MOCOS: variants seen among roughly 807,000 people sequenced by gnomAD.
MOCOS encodes molybdenum cofactor sulfurase, also known as human molybdenum cofactor sulfurase.
In MOCOS, 86 loss-of-function variants were observed where a neutral mutation model predicts 83.6. The ratio of observed to expected loss-of-function variants is 1.03; its 90% CI spans 0.86 to 1.23. The LOEUF (loss-of-function observed/expected upper bound fraction) is 1.23. Ranked by LOEUF, MOCOS falls within the 50% of genes most tolerant of loss-of-function variation. The pLI is 0.00. For synonymous variants in MOCOS, 445 were observed against 434.7 expected (o/e 1.02, Z -0.29); for missense variants, 1,120 against 1,126.9 (o/e 0.99, Z 0.09).
chr18:36,237,139 A>C (rs58175300), intron 9 of MOCOS, among the ~76,000 whole-genome samples: 1 of 135,800 alleles, frequency 7.4e-6, no homozygotes, highest in Admixed American at 7.6e-5. Flanking sequence ...TCTCCTGCCT[A>C]ATTGCCCTGG....
intron 7 of MOCOS, 128 bp downstream of exon 7, chr18:36,213,610 A>T (rs941273406): frequency 2.5e-6 from 2 of 793,654 alleles, no homozygotes; most frequent in African/African-American, 3.4e-5. Context: ...GTGCATGTAC[A>T]AAGGAAAAGG....
intron 2 of MOCOS, among the ~76,000 whole-genome samples, chr18:36,196,060 G>A (rs917702767): frequency 5.3e-5 from 8 of 152,188 alleles, no homozygotes; most frequent in African/African-American, 1.9e-4. Context: ...AACCAGTCCA[G>A]GAACACGGAA....
At position 36,246,991 on chromosome 18, in the gene MOCOS, G is replaced by T. The variant is rs1213080988; in HGVS notation, c.1961-1931G>T. ...AAACCATCAGGTGGGGGCAGGTTAG[G>T]TGGGTCTGAGATCATACTCTCCTTG... On this transcript the variant is annotated intron_variant, in intron 9 of 14. Coordinates refer to ENST00000261326, the MANE Select transcript of MOCOS (RefSeq NM_017947.4). Among the ~76,000 whole-genome samples the T allele has an allele frequency of 2.0e-5, 3 of 152,086 alleles. No individual in the cohort carries two copies. In the East Asian group the frequency reaches 5.8e-4, roughly 29 times the overall value.
At chr18:36,215,094 C>A (rs142849156) in intron 7 of MOCOS, among the ~76,000 whole-genome samples, 66 of 152,294 alleles carry the variant, frequency 4.3e-4, no homozygotes, top group African/African-American at 1.6e-3. Context: ...GCAGGCCTCC[C>A]CTCAGTAATG....
chr18:36,257,662 A>G (rs1022792537), intron 12 of MOCOS, among the ~76,000 whole-genome samples: 2 of 152,126 alleles, frequency 1.3e-5, no homozygotes, highest in Admixed American at 1.3e-4. Flanking sequence ...TGTTCTTTAG[A>G]GCAAACTGAA....
chr18:36,256,997 T>C lies in MOCOS; in HGVS notation c.2194T>C (p.Ser732Pro). The C allele has an allele frequency of 6.2e-7, 1 of 1,614,142 alleles. No individual in the cohort carries two copies. The highest frequency in any genetic ancestry group is 8.5e-7 in the Non-Finnish European group (1 of 1,179,990). Residue 732 changes from serine to proline, a missense_variant, in exon 12 of 15, where the codon TCT (serine) becomes CCT (proline). Ser to Pro is a moderately conservative substitution (Grantham distance 74). Coordinates refer to ENST00000261326, the MANE Select transcript of MOCOS (RefSeq NM_017947.4). ...ACTTCCTGGTACAATGGCCACCCTTTCTCTGGTGAATGAGGCACAGTATCT... is the reference window on the plus strand; with the variant it reads ...ACTTCCTGGTACAATGGCCACCCTTCCTCTGGTGAATGAGGCACAGTATCT... ...DQLPGTMATL[S>P]LVNEAQYLLI... is the part of the protein sequence containing the mutation.
intron 13 of MOCOS, among the ~76,000 whole-genome samples, chr18:36,266,191 A>C (rs528935205): frequency 1.3e-5 from 2 of 152,250 alleles, no homozygotes; most frequent in Non-Finnish European, 2.9e-5. Flanking sequence ...GCTGCAGTGC[A>C]GTGGTGCGTT....
intron 6 of MOCOS, among the ~76,000 whole-genome samples, chr18:36,212,236 A>T (rs971329335): frequency 6.6e-6 from 1 of 152,202 alleles, no homozygotes; most frequent in Admixed American, 6.5e-5. Flanking sequence ...AATTCTTCCC[A>T]CACTGTAGCC....
chr18:36,207,007 A>T (rs1376829733), intron 6 of MOCOS, among the ~76,000 whole-genome samples: 1 of 152,122 alleles, frequency 6.6e-6, no homozygotes, highest in Non-Finnish European at 1.5e-5. Flanking sequence ...CAGTAATTTA[A>T]TTAAGGAATT....
chr18:36,243,608 A>G, intron 9 of MOCOS, among the ~76,000 whole-genome samples: 1 of 151,550 alleles, frequency 6.6e-6, no homozygotes, highest in Non-Finnish European at 1.5e-5. Context: ...TGGTTTTGGT[A>G]TTAGGGTGAT....
At position 36,268,785 on chromosome 18, in the gene MOCOS, G is replaced by A; in HGVS notation, c.*100G>A. 1 of 1,037,934 alleles carries A rather than the reference G, an allele frequency of 9.6e-7. No homozygotes were observed. Among genetic ancestry groups the A allele is most frequent in the Non-Finnish European group, 1.5e-6 (1 of 686,992 alleles). The allele number at this position is 1,037,934 out of a possible 1,614,324, so 64.3% of individuals were successfully genotyped here. A position where few individuals can be genotyped will look rare whatever the true frequency, so the allele number is the denominator to read the frequency against. ...GAACTTGATGTTTTGAATAAGGAGA[G>A]CTCTTTTTCTTTAGAGGCAGGGAAT... On this transcript the variant is annotated 3_prime_UTR_variant, in exon 15 of 15. Transcript: ENST00000261326.
chr18:36,216,992 G>C (rs561811340), intron 8 of MOCOS, among the ~76,000 whole-genome samples: 1 of 152,198 alleles, frequency 6.6e-6, no homozygotes, highest in Non-Finnish European at 1.5e-5. Context: ...TAGCAAGGTA[G>C]CTGGACTCTA....
At chr18:36,220,434 G>A (rs2091491993) in intron 9 of MOCOS, among the ~76,000 whole-genome samples, 1 of 151,804 alleles carries the variant, frequency 6.6e-6, no homozygotes. Context: ...ACTTGAACCC[G>A]GGAGGTGGAG....
At position 36,213,452 on chromosome 18, in the gene MOCOS, A is replaced by G. The variant is rs759846222; in HGVS notation, c.1305A>G (p.Ile435Met). 27 of 1,613,806 alleles carry G rather than the reference A, an allele frequency of 1.7e-5. No homozygotes were observed. The East Asian group carries it at 5.3e-4, about 32-fold the overall frequency. ...NTGACQRHLG[I>M]SNEMVRKHFQ... is the part of the protein sequence containing the mutation. ...GGGCCTGCCAGAGGCACCTGGGCAT[A>G]AGCAACGAGATGGTCAGGAAGCATT... is the stretch of plus-strand genomic sequence containing the variant. The change falls in exon 7 of 15, where the codon ATA (isoleucine) becomes ATG (methionine). Residue 435 changes from isoleucine (I) to methionine (M), a missense_variant. Ile to Met is a conservative substitution (Grantham distance 10). Coordinates refer to ENST00000261326, the MANE Select transcript of MOCOS (RefSeq NM_017947.4).
At chr18:36,202,834 GA>G (rs1646256352) in intron 4 of MOCOS, among the ~76,000 whole-genome samples, 1 of 152,106 alleles carries the variant, frequency 6.6e-6, no homozygotes, top group South Asian at 2.1e-4. Flanking sequence ...GAGCCCAGGG[GA>G]ACTGCCATTT....
rs1429713370 is a variant in MOCOS, at chr18:36,213,549, G to C, written c.1335+67G>C. On this transcript the variant is annotated intron_variant, in intron 7 of 14. Transcript: ENST00000261326. ...CCCAGCAACACCTGTTGCTGCCTGT[G>C]TGTCTGGGGTGGGGGCTGCTGCTGC... is the stretch of plus-strand genomic sequence containing the variant. 3.2e-6 allele frequency: 4 copies of C among 1,250,800 alleles called. No individual in the cohort carries two copies. In the Admixed American group the frequency reaches 6.8e-5, roughly 21 times the overall value. 77.5% of individuals were successfully genotyped at this position (1,250,800 alleles called of 1,614,324 possible). A position where few individuals can be genotyped will look rare whatever the true frequency, so the allele number is the denominator to read the frequency against.
At chr18:36,267,582 A>G (rs2091685889) in intron 14 of MOCOS, among the ~76,000 whole-genome samples, 1 of 152,120 alleles carries the variant, frequency 6.6e-6, no homozygotes, top group Non-Finnish European at 1.5e-5. Flanking sequence ...TAGACATTTG[A>G]TTTATGTAAG....
Position 36,220,225 on chromosome 18 carries a change from A to T in MOCOS, c.1960+8A>T. 2 of 1,614,134 alleles carry T rather than the reference A, an allele frequency of 1.2e-6. No homozygotes were observed. Among genetic ancestry groups the T allele is most frequent in the Non-Finnish European group, 1.7e-6 (2 of 1,180,020 alleles). On this transcript the variant is annotated splice_region_variant and intron_variant, in intron 9 of 14. Coordinates refer to ENST00000261326, the MANE Select transcript of MOCOS (RefSeq NM_017947.4). ...TGGTCATCAAAGCCAAAGGTGGGAA[A>T]ACTGCTTCATTTTCACAGAGCAGCT...
chr18:36,201,662 C>CAAAAAAAAA (rs1568050276), intron 4 of MOCOS, among the ~76,000 whole-genome samples: 21 of 2,526 alleles, frequency 8.3e-3, no homozygotes, highest in South Asian at 0.024. Flanking sequence ...GACTCCATCT[C>CAAAAAAAAA]CAAAAAAAAA....
Sources: gnomAD v4.1 joint callset for allele counts (sites outside exome capture counted in the v4.1 genomes callset) on GRCh38, gnomAD v4.1.1 for gene constraint, MANE v1.5 for transcripts, NCBI Gene and HGNC (gene_info 2026-07-23, HGNC 2026-07-21) for gene names.